Variants in RANBP17 observed in about 807,000 individuals in gnomAD.
The protein encoded by RANBP17 is RAN binding protein 17.
In RANBP17, 158 loss-of-function variants were observed where a neutral mutation model predicts 141.2. That is an observed-to-expected ratio of 1.12 (90% confidence interval 0.98 to 1.28). RANBP17 has a LOEUF of 1.28. Among genes scored for constraint, RANBP17 ranks in the 50% most tolerant of loss-of-function variants. The pLI is 0.00. For missense variants in RANBP17, 1,438 were observed against 1,290.7 expected (o/e 1.11, Z -1.75); for synonymous variants, 430 against 450.0 (o/e 0.96, Z 0.56).
intron 25 of RANBP17, among the ~76,000 whole-genome samples, chr5:171,266,392 T>C (rs1766683120): frequency 6.6e-6 from 1 of 152,216 alleles, no homozygotes; most frequent in African/African-American, 2.4e-5. Context: ...AACCACTATT[T>C]GTTTATTTTC....
intron 14 of RANBP17, among the ~76,000 whole-genome samples, chr5:171,115,553 C>T (rs979185041): frequency 3.3e-5 from 5 of 152,156 alleles, no homozygotes; most frequent in Non-Finnish European, 5.9e-5. Context: ...AACTAGACTA[C>T]ATATCCAAAT....
At chr5:171,263,435 T>A (rs1302644315) in intron 24 of RANBP17, among the ~76,000 whole-genome samples, 1 of 152,244 alleles carries the variant, frequency 6.6e-6, no homozygotes, top group African/African-American at 2.4e-5. Context: ...AGTTTTCTCA[T>A]TTAAAATGCA....
At chr5:170,892,680 T>A in intron 4 of RANBP17, 127 bp downstream of exon 4, 1 of 686,676 alleles carries the variant, frequency 1.5e-6, no homozygotes, top group Non-Finnish European at 2.4e-6. Flanking sequence ...GATTTATTAT[T>A]TATCCTCTGG....
At chr5:171,119,139 A>T (rs1755843489) in intron 14 of RANBP17, among the ~76,000 whole-genome samples, 1 of 152,122 alleles carries the variant, frequency 6.6e-6, no homozygotes, top group African/African-American at 2.4e-5. Flanking sequence ...AGGGATGCTG[A>T]ATTTTTTTAT....
intron 14 of RANBP17, among the ~76,000 whole-genome samples, chr5:171,134,857 G>A (rs547859636): frequency 3.0e-4 from 46 of 152,268 alleles, no homozygotes; most frequent in Admixed American, 2.2e-3. Context: ...GGGAAGCAGA[G>A]GTTATAGTGA....
intron 14 of RANBP17, among the ~76,000 whole-genome samples, chr5:171,016,844 A>G (rs1561991068): frequency 1.3e-5 from 2 of 151,584 alleles, no homozygotes; most frequent in African/African-American, 2.4e-5. Flanking sequence ...ACATAGGTAT[A>G]CATGTGCCAT....
chr5:171,086,759 T>C (rs1186722938), intron 14 of RANBP17, among the ~76,000 whole-genome samples: 7 of 148,852 alleles, frequency 4.7e-5, no homozygotes, highest in African/African-American at 1.7e-4. Flanking sequence ...GTAGAGGTGT[T>C]TGTAGTATTC....
intron 14 of RANBP17, among the ~76,000 whole-genome samples, chr5:171,098,282 A>T (rs965394264): frequency 6.6e-6 from 1 of 152,102 alleles, no homozygotes; most frequent in Non-Finnish European, 1.5e-5. Flanking sequence ...ATTTTTTCAC[A>T]TCCTCTCCAG....
intron 14 of RANBP17, among the ~76,000 whole-genome samples, chr5:171,150,699 G>A (rs1161926580): frequency 6.6e-6 from 1 of 152,148 alleles, no homozygotes; most frequent in African/African-American, 2.4e-5. Flanking sequence ...TCACATTTGT[G>A]ACTGGAGATT....
chr5:171,183,449 A>G lies in RANBP17; in HGVS notation c.2038+19A>G, dbSNP rs1476798593. The G allele has an allele frequency of 5.9e-6, 9 of 1,524,778 alleles. No homozygotes were observed. In the Middle Eastern group the frequency reaches 5.1e-4, roughly 86 times the overall value. 94.5% of individuals were successfully genotyped at this position (1,524,778 alleles called of 1,614,324 possible). A position where few individuals can be genotyped will look rare whatever the true frequency, so the allele number is the denominator to read the frequency against. On this transcript the variant is annotated intron_variant, in intron 18 of 27. Coordinates refer to ENST00000523189, the MANE Select transcript of RANBP17 (RefSeq NM_022897.5). ...GATCTGGGTAAGGTTAAGAATTTAA[A>G]CTCAATTAATAAGGGATCAGCAATA...
At chr5:171,231,920 CAA>C (rs1204990989) in intron 22 of RANBP17, among the ~76,000 whole-genome samples, 1 of 152,100 alleles carries the variant, frequency 6.6e-6, no homozygotes. Flanking sequence ...GGAAAACAAA[CAA>C]AATGCTACAA....
At chr5:170,924,163 A>G (rs761665039) in intron 11 of RANBP17, among the ~76,000 whole-genome samples, 194 bp from the exon 12 acceptor site, 6 of 151,966 alleles carry the variant, frequency 3.9e-5, no homozygotes, top group Non-Finnish European at 7.4e-5. Flanking sequence ...ATGCCCAGCT[A>G]ACTTTTGTAT....
intron 14 of RANBP17, among the ~76,000 whole-genome samples, chr5:171,110,416 G>A (rs1242029168): frequency 6.6e-6 from 1 of 152,106 alleles, no homozygotes; most frequent in Non-Finnish European, 1.5e-5. Context: ...ATAGTGCACA[G>A]CCTGTTGGTT....
intron 14 of RANBP17, among the ~76,000 whole-genome samples, chr5:171,124,031 A>C (rs1756243699): frequency 6.6e-6 from 1 of 152,184 alleles, no homozygotes; most frequent in Non-Finnish European, 1.5e-5. Context: ...CAGATCCCCA[A>C]AAAAAGAAAA....
intron 14 of RANBP17, among the ~76,000 whole-genome samples, chr5:171,162,718 G>A (rs564618661): frequency 6.6e-6 from 1 of 152,090 alleles, no homozygotes; most frequent in Non-Finnish European, 1.5e-5. Context: ...CCCCACTGGG[G>A]TGCAAGCAAA....
chr5:171,288,642 T>C (rs1410426674), intron 25 of RANBP17, among the ~76,000 whole-genome samples: 2 of 152,218 alleles, frequency 1.3e-5, no homozygotes, highest in Admixed American at 6.5e-5. Context: ...GGGAATAATA[T>C]CTACTTCCCA....
intron 12 of RANBP17, among the ~76,000 whole-genome samples, chr5:170,932,006 C>G (rs1034190781): frequency 6.6e-6 from 1 of 152,142 alleles, no homozygotes; most frequent in African/African-American, 2.4e-5. Context: ...GCAGTATGGC[C>G]ATTTTCATGA....
chr5:170,918,921 G>T (rs1482837144), intron 10 of RANBP17, 62 bp downstream of exon 10: 2 of 1,000,060 alleles, frequency 2.0e-6, no homozygotes, highest in Admixed American at 2.9e-5. Flanking sequence ...TCTTGGTAAG[G>T]GTTGGTGGGG....
At chr5:171,164,548 G>A (rs754162182) in intron 14 of RANBP17, among the ~76,000 whole-genome samples, 6 of 152,150 alleles carry the variant, frequency 3.9e-5, no homozygotes, top group Non-Finnish European at 7.4e-5. Context: ...GCTCATTGAA[G>A]CATTATGTAC....
Sources: gnomAD v4.1 joint callset for allele counts (sites outside exome capture counted in the v4.1 genomes callset) on GRCh38, gnomAD v4.1.1 for gene constraint, MANE v1.5 for transcripts, NCBI Gene and HGNC (gene_info 2026-07-23, HGNC 2026-07-21) for gene names.